Variants in CLNK observed in about 807,000 individuals in gnomAD.
The protein encoded by CLNK is cytokine dependent hematopoietic cell linker, also known as cytokine-dependent hematopoietic cell linker.
In CLNK, 74 loss-of-function variants were observed where a neutral mutation model predicts 68.6. The ratio of observed to expected loss-of-function variants is 1.08; its 90% CI spans 0.89 to 1.31. CLNK has a LOEUF of 1.31. CLNK is among the 50% of genes most tolerant of loss of function. The pLI is 0.00. For synonymous variants in CLNK, 198 were observed against 172.2 expected (o/e 1.15, Z -1.17); for missense variants, 553 against 515.3 (o/e 1.07, Z -0.71).
At chr4:10,598,924 T>C (rs1721482760) in intron 2 of CLNK, among the ~76,000 whole-genome samples, 1 of 152,156 alleles carries the variant, frequency 6.6e-6, no homozygotes, top group South Asian at 2.1e-4. Flanking sequence ...CTTTCTCTGC[T>C]CCCTCCCACG....
chr4:10,732,045 G>A, the CLNK span, among the ~76,000 whole-genome samples: 1 of 152,184 alleles, frequency 6.6e-6, no homozygotes, highest in South Asian at 2.1e-4. Flanking sequence ...GAAGACAAGT[G>A]CAGTAGCCAC....
the CLNK span, among the ~76,000 whole-genome samples, chr4:10,706,508 A>G: frequency 1.3e-5 from 2 of 152,194 alleles, no homozygotes; most frequent in Non-Finnish European, 2.9e-5. Flanking sequence ...ATTCCTCCTG[A>G]GGCAATCTCT....
chr4:10,707,757 T>C, the CLNK span, among the ~76,000 whole-genome samples: 1 of 152,204 alleles, frequency 6.6e-6, no homozygotes, highest in African/African-American at 2.4e-5. Flanking sequence ...CAGGGAATCA[T>C]AGACTTTTCT....
the CLNK span, among the ~76,000 whole-genome samples, chr4:10,725,325 T>C: frequency 0.012 from 1,785 of 152,308 alleles, 35 homozygotes; most frequent in African/African-American, 0.034. Flanking sequence ...TCATTTGTTA[T>C]GTGTACCAGA....
intron 4 of CLNK, among the ~76,000 whole-genome samples, chr4:10,577,728 G>T (rs889304724): frequency 1.3e-5 from 2 of 151,876 alleles, no homozygotes; most frequent in African/African-American, 4.8e-5. Flanking sequence ...GGACTTTCAG[G>T]AGCAGAGCTG....
intron 4 of CLNK, among the ~76,000 whole-genome samples, chr4:10,578,443 C>T (rs892115778): frequency 6.6e-6 from 1 of 152,098 alleles, no homozygotes; most frequent in Admixed American, 6.6e-5. Flanking sequence ...GTCCCCTTAT[C>T]ATAAGATTTA....
intron 2 of CLNK, among the ~76,000 whole-genome samples, chr4:10,604,770 A>T (rs1721724878): frequency 6.6e-6 from 1 of 152,146 alleles, no homozygotes; most frequent in African/African-American, 2.4e-5. Flanking sequence ...CAGCAATGAG[A>T]TGTTTTAATC....
the CLNK span, among the ~76,000 whole-genome samples, chr4:10,702,022 G>A: frequency 1.3e-5 from 2 of 152,202 alleles, no homozygotes; most frequent in East Asian, 1.9e-4. Flanking sequence ...GTGAAGACAC[G>A]AGAACCAAGA....
At chr4:10,518,459 G>C (rs1717927541) in intron 15 of CLNK, among the ~76,000 whole-genome samples, 2 of 152,084 alleles carry the variant, frequency 1.3e-5, no homozygotes, top group South Asian at 4.2e-4. Flanking sequence ...TAATTTTATA[G>C]GAAAAAGAGC....
chr4:10,530,899 T>C (rs1252865422), intron 12 of CLNK, among the ~76,000 whole-genome samples: 1 of 152,166 alleles, frequency 6.6e-6, no homozygotes, highest in Non-Finnish European at 1.5e-5. Flanking sequence ...ATGAGCCTGG[T>C]GAAGTCCTCA....
intron 3 of CLNK, among the ~76,000 whole-genome samples, chr4:10,587,154 T>G (rs894320020): frequency 2.6e-5 from 4 of 151,980 alleles, no homozygotes; most frequent in Non-Finnish European, 5.9e-5. Context: ...GTAGTAGAGA[T>G]GAGGTTTCAC....
At chr4:10,507,048 G>A (rs974944137) in intron 17 of CLNK, among the ~76,000 whole-genome samples, 41 of 151,440 alleles carry the variant, frequency 2.7e-4, no homozygotes, top group Admixed American at 2.0e-3. Context: ...CTCGTGAGCC[G>A]CCTGCCTCGG....
At chr4:10,615,492 G>A (rs1264183341) in intron 2 of CLNK, among the ~76,000 whole-genome samples, 5 of 152,054 alleles carry the variant, frequency 3.3e-5, no homozygotes, top group African/African-American at 1.2e-4. Context: ...ACTCCAGCCT[G>A]GGCAACGGAG....
intron 7 of CLNK, among the ~76,000 whole-genome samples, chr4:10,558,680 G>A (rs58728006): frequency 3.3e-5 from 5 of 152,068 alleles, no homozygotes; most frequent in African/African-American, 1.2e-4. Flanking sequence ...ACGTGGGATT[G>A]AGAACCAATC....
At chr4:10,592,419 T>C (rs1039165437) in intron 3 of CLNK, among the ~76,000 whole-genome samples, 4 of 152,268 alleles carry the variant, frequency 2.6e-5, no homozygotes, top group East Asian at 3.9e-4. Context: ...GCAGAGCCAC[T>C]CCTGAAATCC....
At chr4:10,634,323 C>T (rs61796794) in intron 2 of CLNK, among the ~76,000 whole-genome samples, 6,406 of 152,302 alleles carry the variant, frequency 0.042, 192 homozygotes, top group Middle Eastern at 0.099. Context: ...GTGTCCCCCA[C>T]GTTAGCACCG....
At chr4:10,556,549 A>G (rs921623613) in intron 8 of CLNK, among the ~76,000 whole-genome samples, 1 of 152,204 alleles carries the variant, frequency 6.6e-6, no homozygotes. Context: ...GCCCATAGTG[A>G]ACTATAAATC....
At chr4:10,512,839 T>TC (rs944841149) in intron 16 of CLNK, among the ~76,000 whole-genome samples, 7 of 150,342 alleles carry the variant, frequency 4.7e-5, no homozygotes, top group African/African-American at 7.4e-5. Flanking sequence ...TGAAACTTTA[T>TC]CCCCCCCACC....
chr4:10,592,420 C>G (rs900709682), intron 3 of CLNK, among the ~76,000 whole-genome samples: 4 of 152,152 alleles, frequency 2.6e-5, no homozygotes. Flanking sequence ...CAGAGCCACT[C>G]CTGAAATCCC....
Sources: allele counts gnomAD v4.1 joint callset (sites outside exome capture counted in the v4.1 genomes callset), GRCh38; gene constraint gnomAD v4.1.1; transcripts MANE v1.5; gene names NCBI Gene and HGNC (gene_info 2026-07-23, HGNC 2026-07-21).